AUTS2: variants seen among roughly 807,000 people sequenced by gnomAD.
AUTS2 encodes autism susceptibility gene 2 protein.
A neutral mutation model predicts 112.4 loss-of-function variants in AUTS2; 17 were observed. The observed-to-expected ratio is 0.15, with a 90% CI of 0.10 to 0.23. The LOEUF is 0.23. Ranked by LOEUF, AUTS2 falls within the 10% of genes least tolerant of loss-of-function variation. The probability of loss-of-function intolerance (pLI) is 1.00; values close to 1 mark genes in which losing one functional copy is unlikely to be tolerated. For missense variants in AUTS2, 1,510 were observed against 1,701.6 expected, an observed-to-expected ratio of 0.89 and a Z score of 1.98; for synonymous variants, 751 against 702.7, an observed-to-expected ratio of 1.07 and a Z score of -1.09.
chr7:69,978,914 A>G (rs1256414812), intron 2 of AUTS2, among the ~76,000 whole-genome samples: 11 of 148,698 alleles, frequency 7.4e-5, no homozygotes, highest in Middle Eastern at 3.5e-3. Context: ...ACACACGCAC[A>G]CACACACGCA....
At chr7:69,610,301 T>G (rs1792961347) in intron 1 of AUTS2, among the ~76,000 whole-genome samples, 1 of 152,252 alleles carries the variant, frequency 6.6e-6, no homozygotes, top group Non-Finnish European at 1.5e-5. Context: ...TGAGTTGAAC[T>G]TCAATCAGAG....
At chr7:69,914,623 G>A (rs1386013734) in intron 2 of AUTS2, among the ~76,000 whole-genome samples, 1 of 151,722 alleles carries the variant, frequency 6.6e-6, no homozygotes, top group African/African-American at 2.4e-5. Context: ...GTGCAGCCAG[G>A]AAAAGCTGAC....
chr7:70,436,043 CAT>C lies in AUTS2; in HGVS notation c.690+264_690+265del, dbSNP rs1194785269. 8 of 378,326 alleles carry C rather than the reference CAT, an allele frequency of 2.1e-5. No individual in the cohort carries two copies. The East Asian group carries it at 3.1e-4, about 15-fold the overall frequency. 23.4% of individuals were successfully genotyped at this position (378,326 alleles called of 1,614,324 possible). On this transcript the variant is annotated intron_variant, in intron 5 of 18. Coordinates refer to ENST00000342771, the MANE Select transcript of AUTS2 (RefSeq NM_015570.4). ...AGTTTTTACTTTATGGAAGATGACT[CAT>C]AGACTCAAAAACATTTTAAAAGACA...
At chr7:70,132,916 A>G (rs1376161802) in intron 3 of AUTS2, among the ~76,000 whole-genome samples, 1 of 152,128 alleles carries the variant, frequency 6.6e-6, no homozygotes, top group Non-Finnish European at 1.5e-5. Flanking sequence ...CATGACTCCA[A>G]GCTGGTGGAG....
intron 1 of AUTS2, among the ~76,000 whole-genome samples, chr7:69,745,762 A>G (rs1400904224): frequency 2.6e-5 from 4 of 152,222 alleles, no homozygotes; most frequent in African/African-American, 9.6e-5. Context: ...TGTATGGTAC[A>G]TGGCATTTCT....
chr7:69,613,648 G>T (rs937033872), intron 1 of AUTS2, among the ~76,000 whole-genome samples: 6 of 152,200 alleles, frequency 3.9e-5, no homozygotes, highest in Non-Finnish European at 7.3e-5. Context: ...TGCCCTCACA[G>T]ATTACTGTGC....
chr7:69,695,177 A>T (rs147242702), intron 1 of AUTS2, among the ~76,000 whole-genome samples: 80 of 152,090 alleles, frequency 5.3e-4, no homozygotes, highest in African/African-American at 1.8e-3. Flanking sequence ...GAAAAAAGAA[A>T]AAAAAGTCAC....
intron 1 of AUTS2, among the ~76,000 whole-genome samples, chr7:69,752,452 A>G (rs1787778366): frequency 6.6e-6 from 1 of 152,238 alleles, no homozygotes; most frequent in Non-Finnish European, 1.5e-5. Flanking sequence ...TTAACTCTGT[A>G]TCTAATTTCT....
intron 2 of AUTS2, among the ~76,000 whole-genome samples, chr7:69,965,828 T>C (rs1013349922): frequency 6.6e-6 from 1 of 152,178 alleles, no homozygotes; most frequent in African/African-American, 2.4e-5. Flanking sequence ...AATCCTTCAC[T>C]GTATGCAGAT....
At chr7:70,537,901 C>T (rs545760862) in intron 5 of AUTS2, among the ~76,000 whole-genome samples, 6 of 152,116 alleles carry the variant, frequency 3.9e-5, no homozygotes, top group Non-Finnish European at 7.4e-5. Flanking sequence ...GGAGAATGCA[C>T]GGAGGCCTGC....
chr7:70,490,640 T>A (rs1798194151), intron 5 of AUTS2, among the ~76,000 whole-genome samples: 1 of 152,160 alleles, frequency 6.6e-6, no homozygotes, highest in Non-Finnish European at 1.5e-5. Flanking sequence ...TGGACCATAA[T>A]GCTTGGCTTT....
At chr7:69,881,715 C>A (rs928861147) in intron 1 of AUTS2, among the ~76,000 whole-genome samples, 3 of 152,160 alleles carry the variant, frequency 2.0e-5, no homozygotes, top group Non-Finnish European at 2.9e-5. Flanking sequence ...TGCCTCCCCC[C>A]ACAGCCCTGT....
Position 69,711,104 on chromosome 7 carries a change from G to A in AUTS2, c.309+111142G>A, listed in dbSNP as rs142102134. 1.9e-3 allele frequency among the ~76,000 whole-genome samples: 289 copies of A among 152,288 alleles called. 1 individual carries two copies. Among genetic ancestry groups the A allele is most frequent in the African/African-American group, 6.7e-3 (277 of 41,548 alleles). Reference sequence around the variant, plus strand: ...AAATGCGTCACTTAGTGGGCAGATAGAAATCAGTATTTAAAGTATGATTGA... The same window carrying A: ...AAATGCGTCACTTAGTGGGCAGATAAAAATCAGTATTTAAAGTATGATTGA... On this transcript the variant is annotated intron_variant, in intron 1 of 18. Coordinates refer to ENST00000342771, the MANE Select transcript of AUTS2 (RefSeq NM_015570.4).
In AUTS2 at chr7:69,942,077, T is replaced by C. The variant is rs117862712; in HGVS notation, c.522+42579T>C. Among the ~76,000 whole-genome samples, 476 of 152,330 alleles carry C rather than the reference T, an allele frequency of 3.1e-3. 1 individual carries two copies. The highest frequency in any genetic ancestry group is 5.5e-3 in the Non-Finnish European group (372 of 68,024). On this transcript the variant is annotated intron_variant, in intron 2 of 18. Coordinates refer to ENST00000342771, the MANE Select transcript of AUTS2 (RefSeq NM_015570.4). ...GTAGAAAATTTGTATCTTATGGTCA[T>C]ATTGCACTTCAGACTTTTCACAATG...
At chr7:70,428,102 G>C (rs1049684826) in intron 4 of AUTS2, among the ~76,000 whole-genome samples, 2 of 152,200 alleles carry the variant, frequency 1.3e-5, no homozygotes, top group Non-Finnish European at 2.9e-5. Flanking sequence ...TTAAGATAGA[G>C]GGGAAGAGTC....
At chr7:70,433,128 C>G (rs1276444988) in intron 4 of AUTS2, among the ~76,000 whole-genome samples, 1 of 152,114 alleles carries the variant, frequency 6.6e-6, no homozygotes, top group Non-Finnish European at 1.5e-5. Context: ...TTAAGTGGAC[C>G]TTGAAATTAG....
At chr7:69,730,019 T>TTTTTTTTTTTTTTTTTTTTA (rs10684332) in intron 1 of AUTS2, among the ~76,000 whole-genome samples, 4 of 132,098 alleles carry the variant, frequency 3.0e-5, no homozygotes, top group Non-Finnish European at 4.8e-5. Flanking sequence ...TTTTTTTTTT[T>TTTTTTTTTTTTTTTTTTTTA]AGAAACTAGG....
intron 2 of AUTS2, among the ~76,000 whole-genome samples, chr7:70,042,952 A>G (rs1044122768): frequency 6.6e-6 from 1 of 151,820 alleles, no homozygotes; most frequent in Non-Finnish European, 1.5e-5. Context: ...CAGTCTAATT[A>G]TCTGACACAT....
intron 6 of AUTS2, among the ~76,000 whole-genome samples, chr7:70,718,491 C>T (rs957662112): frequency 4.6e-5 from 7 of 152,066 alleles, no homozygotes; most frequent in Admixed American, 1.3e-4. Flanking sequence ...GGCAAAACAC[C>T]GTCTCTACAA....
Sources: gnomAD v4.1 joint callset for allele counts (sites outside exome capture counted in the v4.1 genomes callset) on GRCh38, gnomAD v4.1.1 for gene constraint, MANE v1.5 for transcripts, NCBI Gene and HGNC (gene_info 2026-07-23, HGNC 2026-07-21) for gene names.